Variants in RTF1 observed in about 807,000 individuals in gnomAD.
RTF1 encodes the protein RTF1 homolog, Paf1/RNA polymerase II complex component, also known as RNA polymerase-associated protein RTF1 homolog.
RTF1 carries 10 observed loss-of-function variants against 95.7 expected under a neutral mutation model. The observed-to-expected ratio is 0.10, with a 90% CI of 0.06 to 0.18. The LOEUF is 0.18. RTF1 is among the 10% of genes least tolerant of loss of function. The pLI, the probability that RTF1 is intolerant of heterozygous loss-of-function variation, is 1.00. For missense variants in RTF1, 458 were observed against 875.6 expected, an observed-to-expected ratio of 0.52 and a Z score of 6.02; for synonymous variants, 305 against 311.8, an observed-to-expected ratio of 0.98 and a Z score of 0.23.
At chr15:41,475,664 C>T (rs1040540103) in intron 10 of RTF1, 48 bp from the exon 11 acceptor site, 1 of 1,602,474 alleles carries the variant, frequency 6.2e-7, no homozygotes, top group Non-Finnish European at 8.6e-7. Context: ...GAGAAAATAT[C>T]TTTCCAAAAT....
At chr15:41,428,942 G>T (rs1356316486) in intron 1 of RTF1, among the ~76,000 whole-genome samples, 3 of 151,876 alleles carry the variant, frequency 2.0e-5, no homozygotes, top group African/African-American at 7.3e-5. Context: ...TCGTCATGTT[G>T]GCCAGGCTGG....
chr15:41,473,960 C>T (rs892389302), intron 8 of RTF1, among the ~76,000 whole-genome samples: 2 of 152,026 alleles, frequency 1.3e-5, no homozygotes, highest in Non-Finnish European at 2.9e-5. Flanking sequence ...TCACTTGAAC[C>T]AGGGAGGCAG....
intron 3 of RTF1, among the ~76,000 whole-genome samples, chr15:41,457,026 C>T (rs2050821904): frequency 6.6e-6 from 1 of 151,654 alleles, no homozygotes; most frequent in Admixed American, 6.6e-5. Flanking sequence ...GTGGAAGTTG[C>T]AATGAGCTGA....
In RTF1 at chr15:41,480,938, G is replaced by C. The variant is rs1422804759; in HGVS notation, c.*251G>C. ...CTGGGCTCTCTTGGGCTTTATCCATGTCTTTAGATTTGTGTTTGCCTTTTG... is the reference window on the plus strand; with the variant it reads ...CTGGGCTCTCTTGGGCTTTATCCATCTCTTTAGATTTGTGTTTGCCTTTTG... On this transcript the variant is annotated 3_prime_UTR_variant, in exon 18 of 18. Coordinates refer to ENST00000389629, the MANE Select transcript of RTF1 (RefSeq NM_015138.5). The C allele has an allele frequency of 5.4e-5, 27 of 499,510 alleles. No individual in the cohort carries two copies. Among genetic ancestry groups the C allele is most frequent in the Admixed American group, 2.3e-4 (7 of 30,828 alleles). 30.9% of individuals were successfully genotyped at this position (499,510 alleles called of 1,614,324 possible).
chr15:41,436,327 G>A (rs2050702242), intron 1 of RTF1, among the ~76,000 whole-genome samples: 1 of 151,402 alleles, frequency 6.6e-6, no homozygotes, highest in South Asian at 2.1e-4. Context: ...GGGCTTGGCT[G>A]GCACCGGTAG....
At chr15:41,456,821 C>T (rs2050820092) in intron 3 of RTF1, among the ~76,000 whole-genome samples, 1 of 151,846 alleles carries the variant, frequency 6.6e-6, no homozygotes. Flanking sequence ...CATGGTGGCT[C>T]ACACCTGTAA....
chr15:41,455,886 C>G (rs1208170917), intron 3 of RTF1, among the ~76,000 whole-genome samples: 3 of 151,478 alleles, frequency 2.0e-5, no homozygotes, highest in Non-Finnish European at 4.4e-5. Context: ...GATAGATACA[C>G]CAAAATCTCA....
intron 9 of RTF1, 35 bp downstream of exon 9, chr15:41,474,737 C>T: frequency 6.8e-7 from 1 of 1,474,942 alleles, no homozygotes; most frequent in Non-Finnish European, 9.5e-7. Context: ...TCTGCTTCCA[C>T]TTCAAACAGG....
At chr15:41,476,674 A>C (rs1256541018) in intron 12 of RTF1, 151 bp downstream of exon 12, 5 of 677,694 alleles carry the variant, frequency 7.4e-6, no homozygotes, top group Non-Finnish European at 1.3e-5. Context: ...GCACCTGGGC[A>C]ACGTTCCTTG....
chr15:41,439,585 A>G (rs1402312110), intron 2 of RTF1, among the ~76,000 whole-genome samples: 3 of 152,198 alleles, frequency 2.0e-5, no homozygotes, highest in Admixed American at 2.0e-4. Context: ...CAAAACCTTA[A>G]TGGAAGACAG....
chr15:41,441,564 A>T (rs1314418247), intron 2 of RTF1, among the ~76,000 whole-genome samples: 1 of 151,746 alleles, frequency 6.6e-6, no homozygotes, highest in African/African-American at 2.4e-5. Context: ...GGAGCCCACA[A>T]CTTGTGTTAG....
chr15:41,441,697 G>A (rs2050736793), intron 2 of RTF1, among the ~76,000 whole-genome samples: 1 of 152,144 alleles, frequency 6.6e-6, no homozygotes, highest in Non-Finnish European at 1.5e-5. Flanking sequence ...ACGTATTGGA[G>A]AAAAAGCTGA....
chr15:41,436,549 G>A (rs556757010), intron 1 of RTF1, among the ~76,000 whole-genome samples: 183 of 150,828 alleles, frequency 1.2e-3, no homozygotes, highest in African/African-American at 3.8e-3. Context: ...GTATGAACCC[G>A]GGAGGCGGAG....
At chr15:41,450,197 A>G (rs2050783130) in intron 2 of RTF1, among the ~76,000 whole-genome samples, 3 of 152,184 alleles carry the variant, frequency 2.0e-5, no homozygotes, top group Admixed American at 6.6e-5. Context: ...CCCAGTCTCA[A>G]AAATAAAAAA....
intron 1 of RTF1, among the ~76,000 whole-genome samples, chr15:41,418,890 T>G (rs1004159217): frequency 7.9e-5 from 12 of 152,002 alleles, no homozygotes; most frequent in Non-Finnish European, 1.3e-4. Context: ...AGTCTCGCAC[T>G]GTCGCCCAGG....
intron 1 of RTF1, among the ~76,000 whole-genome samples, chr15:41,424,872 G>A (rs965130857): frequency 6.6e-6 from 1 of 152,020 alleles, no homozygotes; most frequent in Non-Finnish European, 1.5e-5. Context: ...AGCCAAGTGC[G>A]GTGGCACACA....
chr15:41,465,024 T>A (rs1409906519), intron 5 of RTF1, 139 bp downstream of exon 5: 1 of 1,338,658 alleles, frequency 7.5e-7, no homozygotes, highest in African/African-American at 1.5e-5. Context: ...CATGGTTTCA[T>A]TAATCTCTGG....
Position 41,452,898 on chromosome 15 carries a change from T to C in RTF1, c.310-3T>C. On this transcript the variant is annotated splice_polypyrimidine_tract_variant and splice_region_variant and intron_variant, in intron 2 of 17. Coordinates refer to ENST00000389629, the MANE Select transcript of RTF1 (RefSeq NM_015138.5). ...AGTCTTCCTTTTTCTTTTCTCCTTA[T>C]AGTGGACATTTGGGAGCAATAAAAA... 2 of 1,588,738 alleles carry C rather than the reference T, an allele frequency of 1.3e-6. No homozygotes were observed. Among genetic ancestry groups the C allele is most frequent in the Non-Finnish European group, 8.6e-7 (1 of 1,168,852 alleles).
At chr15:41,432,050 C>T (rs1334005568) in intron 1 of RTF1, among the ~76,000 whole-genome samples, 2 of 151,928 alleles carry the variant, frequency 1.3e-5, no homozygotes, top group Non-Finnish European at 2.9e-5. Flanking sequence ...CCGCCCACCT[C>T]GGCCTTCCAA....
Sources: allele counts gnomAD v4.1 joint callset (sites outside exome capture counted in the v4.1 genomes callset), GRCh38; gene constraint gnomAD v4.1.1; transcripts MANE v1.5; gene names NCBI Gene and HGNC (gene_info 2026-07-23, HGNC 2026-07-21).